COBL: variants seen among roughly 807,000 people sequenced by gnomAD.
The protein encoded by COBL is protein cordon-bleu.
Under a neutral mutation model 98.8 loss-of-function variants are expected in COBL, and 51 were observed. The observed-to-expected ratio is 0.52, with a 90% CI of 0.41 to 0.65. COBL has a LOEUF of 0.65. COBL is among the 30% of genes least tolerant of loss of function. The pLI is 0.00. For synonymous variants in COBL, 634 were observed against 651.7 expected (o/e 0.97, Z 0.41); for missense variants, 1,617 against 1,617.5 (o/e 1.00, Z 0.01).
At chr7:51,247,164 C>T (rs1796334502) in intron 1 of COBL, among the ~76,000 whole-genome samples, 2 of 152,254 alleles carry the variant, frequency 1.3e-5, no homozygotes, top group Non-Finnish European at 2.9e-5. Context: ...AAGTCACAGG[C>T]TTGCACCTTA....
chr7:51,175,272 T>A (rs980412559), intron 5 of COBL, among the ~76,000 whole-genome samples: 1 of 152,268 alleles, frequency 6.6e-6, no homozygotes, highest in Non-Finnish European at 1.5e-5. Context: ...CTACTGTTTA[T>A]AATTTGGACT....
chr7:51,204,784 C>T (rs959962125), intron 2 of COBL, among the ~76,000 whole-genome samples: 1 of 151,992 alleles, frequency 6.6e-6, no homozygotes, highest in Non-Finnish European at 1.5e-5. Context: ...CTCTTGACCT[C>T]GTGATCCATC....
chr7:51,187,329 T>TATATAC lies in COBL; in HGVS notation c.686-3131_686-3130insGTATAT, dbSNP rs1554421144. On this transcript the variant is annotated intron_variant, in intron 4 of 12. Transcript: ENST00000265136. ...GTTTAAGTATATATATATATATATA[T>TATATAC]ATACACACACACACACACACACACA... 1.0e-3 allele frequency among the ~76,000 whole-genome samples: 144 copies of TATATAC among 142,420 alleles called. 1 individual carries two copies. The highest frequency in any genetic ancestry group is 2.2e-3 in the Admixed American group (32 of 14,380). 93.4% of individuals were successfully genotyped at this position (142,420 alleles called of 152,430 possible).
chr7:51,050,499 C>A (rs143604549), intron 7 of COBL, among the ~76,000 whole-genome samples: 3 of 152,356 alleles, frequency 2.0e-5, no homozygotes, highest in African/African-American at 7.2e-5. Context: ...CTGGGTGAGA[C>A]TATCTGCCCC....
At chr7:51,292,383 T>C (rs1367629322) in intron 1 of COBL, among the ~76,000 whole-genome samples, 1 of 152,174 alleles carries the variant, frequency 6.6e-6, no homozygotes, top group Non-Finnish European at 1.5e-5. Flanking sequence ...TCCAAGAGTA[T>C]TATGTTTTAA....
At chr7:51,253,328 C>T (rs1205133270) in intron 1 of COBL, among the ~76,000 whole-genome samples, 1 of 152,186 alleles carries the variant, frequency 6.6e-6, no homozygotes, top group Non-Finnish European at 1.5e-5. Context: ...TAATATATTA[C>T]AATCTATTAA....
At chr7:51,126,169 A>T (rs1196892843) in intron 6 of COBL, among the ~76,000 whole-genome samples, 2 of 152,176 alleles carry the variant, frequency 1.3e-5, no homozygotes, top group African/African-American at 4.8e-5. Flanking sequence ...CTCAACTAGA[A>T]ATATAAAAAT....
Position 51,085,220 on chromosome 7 carries a change from G to A in COBL, c.1042C>T (p.Pro348Ser). ...TCCTCAGTGCGGTTGGGGATCAGGG[G>A]ACTCGGTGGTGGTGGCTGTGGTGGA... ...PPPPQPPPPS[P>S]LIPNRTEDKE... Residue 348 changes from proline to serine, a missense_variant, in exon 7 of 13, where the codon CCC becomes TCC. Coordinates refer to ENST00000265136, the MANE Select transcript of COBL (RefSeq NM_015198.5). The A allele has an allele frequency of 6.2e-7, 1 of 1,613,984 alleles. No homozygotes were observed. Among genetic ancestry groups the A allele is most frequent in the Non-Finnish European group, 8.5e-7 (1 of 1,180,024 alleles).
chr7:51,143,136 G>C (rs1784701470), intron 5 of COBL, among the ~76,000 whole-genome samples: 1 of 152,168 alleles, frequency 6.6e-6, no homozygotes, highest in Admixed American at 6.5e-5. Context: ...AAAGCAAGGA[G>C]TGGGGGCTTG....
intron 1 of COBL, among the ~76,000 whole-genome samples, chr7:51,257,583 T>C (rs1004812193): frequency 6.5e-4 from 99 of 152,362 alleles, no homozygotes; most frequent in African/African-American, 2.3e-3. Flanking sequence ...AATGTTTAGA[T>C]TGAATATGCT....
intron 1 of COBL, among the ~76,000 whole-genome samples, chr7:51,261,126 G>C (rs1037722342): frequency 1.3e-5 from 2 of 152,118 alleles, no homozygotes; most frequent in Admixed American, 6.5e-5. Context: ...ACATGCTGCC[G>C]TACACAGTAG....
At position 51,202,579 on chromosome 7, in the gene COBL, A is replaced by G. The variant is rs180848797; in HGVS notation, c.246-8990T>C. On this transcript the variant is annotated intron_variant, in intron 2 of 12. Transcript: ENST00000265136. ...AAAGGGAGGACTACGGTACATGGAA[A>G]CTACACAACACAATCTTGAGCAACC... Among the ~76,000 whole-genome samples the G allele has an allele frequency of 3.8e-3, 575 of 152,352 alleles. 1 individual carries two copies. Among genetic ancestry groups the G allele is most frequent in the African/African-American group, 0.013 (556 of 41,586 alleles).
chr7:51,038,057 G>A (rs916846657), intron 8 of COBL, among the ~76,000 whole-genome samples: 1 of 152,102 alleles, frequency 6.6e-6, no homozygotes, highest in African/African-American at 2.4e-5. Flanking sequence ...TCACTGCGTT[G>A]GCCAGGCTGG....
At chr7:51,189,268 G>A (rs546619070) in intron 4 of COBL, among the ~76,000 whole-genome samples, 4 of 152,254 alleles carry the variant, frequency 2.6e-5, no homozygotes, top group Admixed American at 6.5e-5. Context: ...AGACAAGGGC[G>A]GACTTGGCGG....
intron 5 of COBL, among the ~76,000 whole-genome samples, chr7:51,172,073 A>G (rs1787922100): frequency 6.6e-6 from 1 of 152,236 alleles, no homozygotes; most frequent in Admixed American, 6.5e-5. Flanking sequence ...AAATCCTTTC[A>G]AAGGCTCCGT....
chr7:51,090,864 G>A (rs1794750520), intron 6 of COBL, among the ~76,000 whole-genome samples: 1 of 152,226 alleles, frequency 6.6e-6, no homozygotes, highest in Non-Finnish European at 1.5e-5. Flanking sequence ...TCAGAAGCTG[G>A]CCGCAGTGCC....
chr7:51,188,054 CT>C, intron 4 of COBL: 1 of 997,292 alleles, frequency 1.0e-6, no homozygotes, highest in Non-Finnish European at 1.3e-6. Flanking sequence ...CAGAGGGGGG[CT>C]GTCCTGCTGC....
At chr7:51,159,546 A>T (rs1786567001) in intron 5 of COBL, among the ~76,000 whole-genome samples, 1 of 152,210 alleles carries the variant, frequency 6.6e-6, no homozygotes, top group Admixed American at 6.5e-5. Context: ...GACAAAGAGC[A>T]GGGGAAGGCC....
At chr7:51,026,449 A>G (rs1368418991) in intron 11 of COBL, 97 bp downstream of exon 11, 1 of 1,483,264 alleles carries the variant, frequency 6.7e-7, no homozygotes, top group African/African-American at 1.4e-5. Context: ...ATCCAATCGG[A>G]AGGACAGAAG....
Sources: allele counts gnomAD v4.1 joint callset (sites outside exome capture counted in the v4.1 genomes callset), GRCh38; gene constraint gnomAD v4.1.1; transcripts MANE v1.5; gene names NCBI Gene and HGNC (gene_info 2026-07-23, HGNC 2026-07-21).